The following CLN6 variants were observed in gnomAD, a reference collection of about 807,000 sequenced individuals.
CLN6 encodes the protein ceroid-lipofuscinosis neuronal protein 6.
Under a neutral mutation model 33.3 loss-of-function variants are expected in CLN6, and 22 were observed. The observed-to-expected ratio is 0.66, with a 90% CI of 0.47 to 0.94. CLN6 has a LOEUF of 0.94. CLN6 is among the 40% of genes least tolerant of loss of function. The pLI, the probability that CLN6 is intolerant of heterozygous loss-of-function variation, is 0.00. For missense variants in CLN6, 387 were observed against 417.1 expected, an observed-to-expected ratio of 0.93 and a Z score of 0.63; for synonymous variants, 201 against 174.6, an observed-to-expected ratio of 1.15 and a Z score of -1.19.
Position 68,248,652 on chromosome 15 carries a change from C to CA in CLN6, c.179+8037dup, listed in dbSNP as rs34923729. On this transcript the variant is annotated intron_variant, in intron 1 of 6. Transcript: ENST00000538696. Reference sequence around the variant, plus strand: ...TGGGCTACAGAGTGAGACTCCGTCTCAAAAAAAAAAAAAAAAAAATCTAAG... The same window carrying CA: ...TGGGCTACAGAGTGAGACTCCGTCTCAAAAAAAAAAAAAAAAAAAATCTAAG... 7.4e-3 allele frequency among the ~76,000 whole-genome samples: 767 copies of CA among 103,694 alleles called. 8 individuals carry two copies. Among genetic ancestry groups the CA allele is most frequent in the Middle Eastern group, 0.049 (10 of 204 alleles). The allele number at this position is 103,694 out of a possible 152,430, so 68.0% of individuals were successfully genotyped here.
At position 68,229,551 on chromosome 15, in the gene CLN6, C is replaced by T. The variant is rs112239768; in HGVS notation, c.34G>A (p.Ala12Thr). Reference protein sequence around the residue: ...EATRRRQHLGATGGPGAQLGA... With the variant: ...EATRRRQHLGTTGGPGAQLGA... The stretch of plus-strand genomic sequence containing the variant: ...AGCTGCGCGCCTGGGCCGCCCGTCG[C>T]TCCCAGGTGCTGCCGCCTCCGCGTC... The change falls in exon 1 of 7, where the codon GCG becomes ACG. Residue 12 changes from alanine to threonine, a missense_variant. By Grantham distance (58) the Ala-to-Thr change is moderately conservative (BLOSUM62 0). Transcript: ENST00000249806. 0.016 allele frequency: 23,279 copies of T among 1,469,292 alleles called. 204 individuals are homozygous for T. Among genetic ancestry groups the T allele is most frequent in the Non-Finnish European group, 0.019 (21,338 of 1,115,380 alleles). The allele number at this position is 1,469,292 out of a possible 1,614,324, so 91.0% of individuals were successfully genotyped here.
intron 1 of CLN6, among the ~76,000 whole-genome samples, chr15:68,250,091 A>G (rs755129489): frequency 1.3e-4 from 20 of 152,136 alleles, no homozygotes; most frequent in Non-Finnish European, 2.8e-4. Context: ...TTTCAAAATA[A>G]CTAGAAGAGA....
At chr15:68,254,836 C>T in intron 1 of CLN6, 3 of 1,126,276 alleles carry the variant, frequency 2.7e-6, no homozygotes, top group Middle Eastern at 2.5e-4. Context: ...GGGGAATAAC[C>T]CTGCAGAAAA....
upstream of CLN6, chr15:68,229,747 GGCGGGGCGGAGCGGA>G (rs1418123808): frequency 1.8e-4 from 61 of 339,340 alleles, no homozygotes; most frequent in African/African-American, 1.8e-3. Flanking sequence ...GCGGACCCGG[GGCGGGGCGGAGCGGA>G]GCGGAGCGGA....
chr15:68,257,131 G>A, upstream of CLN6: 1 of 347,386 alleles, frequency 2.9e-6, no homozygotes, highest in Non-Finnish European at 5.2e-6. Flanking sequence ...GCCAGCGAGC[G>A]CACGGCAGCG....
In CLN6 at chr15:68,251,722, AC is replaced by A. The variant is rs369954153; in HGVS notation, c.179+4967del. Among the ~76,000 whole-genome samples, 172 of 152,072 alleles carry A rather than the reference AC, an allele frequency of 1.1e-3. 1 individual carries two copies. Among genetic ancestry groups the A allele is most frequent in the African/African-American group, 4.0e-3 (164 of 41,496 alleles). ...GAATAAGGCAAAGATGTCTGCTATC[AC>A]CCCTTCTAGTCAATAAGGTGAAGGG... On this transcript the variant is annotated intron_variant, in intron 1 of 6. Coordinates refer to the CLN6 transcript ENST00000538696.
In CLN6 at chr15:68,208,414, G is replaced by GA; in HGVS notation, c.666-5dup. The GA allele has an allele frequency of 1.9e-6, 3 of 1,612,238 alleles. No homozygotes were observed. Among genetic ancestry groups the GA allele is most frequent in the Non-Finnish European group, 2.5e-6 (3 of 1,179,966 alleles). On this transcript the variant is annotated splice_region_variant and splice_polypyrimidine_tract_variant and intron_variant, in intron 6 of 6. Transcript: ENST00000249806. The surrounding 1 kb of genome is among the most constrained non-coding windows in gnomAD (Gnocchi z 5.8). ...CTGGCCCTCGGTGACCAGGTACCTG[G>GA]AAAGGCCAGGGGTGAGTGAGGCAGC...
rs2093259841 is a variant in CLN6, at chr15:68,228,990, T to C, written c.83+512A>G. On this transcript the variant is annotated intron_variant, in intron 1 of 6. Coordinates refer to ENST00000249806, the MANE Select transcript of CLN6 (RefSeq NM_017882.3). This position sits in a 1 kb window ranked among gnomAD's most constrained non-coding sequence, Gnocchi z 4.4. ...CCGCCCTTCCCCGCTGTCTCTTCCA[T>C]TACATTCGCACATTCTTGGGTGCCC... 6.6e-6 allele frequency among the ~76,000 whole-genome samples: 1 copy of C among 152,158 alleles called. No individual in the cohort carries two copies. The highest frequency in any genetic ancestry group is 1.5e-5 in the Non-Finnish European group (1 of 68,020).
chr15:68,232,160 A>ATAT (rs2093269385), upstream of CLN6, among the ~76,000 whole-genome samples: 1 of 142,428 alleles, frequency 7.0e-6, no homozygotes, highest in Admixed American at 7.0e-5. This position sits in a 1 kb window ranked among gnomAD's most constrained non-coding sequence, Gnocchi z 4.7. Flanking sequence ...TGTATCCGAT[A>ATAT]TTTTTTTTTT....
intron 3 of CLN6, chr15:68,212,213 G>A (rs2093208213): frequency 3.4e-6 from 1 of 297,822 alleles, no homozygotes; most frequent in Non-Finnish European, 6.4e-6. Context: ...CACTGTCCCT[G>A]GCTGTGTCCC....
chr15:68,211,678 C>A lies in CLN6; in HGVS notation c.483G>T (p.Thr161=), dbSNP rs2141139146. The A allele has an allele frequency of 1.2e-6, 2 of 1,613,480 alleles. No individual in the cohort carries two copies. The highest frequency in any genetic ancestry group is 1.7e-6 in the Non-Finnish European group (2 of 1,179,996). Residue 161 remains threonine (T), a synonymous_variant, in exon 4 of 7, where the codon ACG becomes ACT. Coordinates refer to ENST00000249806, the MANE Select transcript of CLN6 (RefSeq NM_017882.3). The surrounding 1 kb of genome is among the most constrained non-coding windows in gnomAD (Gnocchi z 5.9). ...AGGGAGCAGGAGGTGGCCTCACCAG[C>A]GTCTCCGGCTTGAGATTCTTGATGA... ...NPIIKNLKPE[T]LIDSFELLYY...
chr15:68,218,471 C>T, intron 2 of CLN6, 65 bp downstream of exon 2: 1 of 1,209,998 alleles, frequency 8.3e-7, no homozygotes, highest in Non-Finnish European at 1.2e-6. Flanking sequence ...GGTCACTCGG[C>T]AAATTCAAGC....
In CLN6 at chr15:68,208,908, C is replaced by T. The variant is rs1420283119; in HGVS notation, c.666-498G>A. Among the ~76,000 whole-genome samples, 1 of 152,148 alleles carries T rather than the reference C, an allele frequency of 6.6e-6. No homozygotes were observed. Among genetic ancestry groups the T allele is most frequent in the Non-Finnish European group, 1.5e-5 (1 of 68,026 alleles). ...CATCTCAGCCACATAGGGGACAGGC[C>T]GGGGAGAGGATCTAGAGCTGGCCCA... On this transcript the variant is annotated intron_variant, in intron 6 of 6. Coordinates refer to ENST00000249806, the MANE Select transcript of CLN6 (RefSeq NM_017882.3). The surrounding 1 kb of genome is among the most constrained non-coding windows in gnomAD (Gnocchi z 5.8).
At chr15:68,230,749 T>C (rs1029156257), upstream of CLN6, among the ~76,000 whole-genome samples, 2 of 152,150 alleles carry the variant, frequency 1.3e-5, no homozygotes, top group Non-Finnish European at 2.9e-5. The surrounding 1 kb of genome is among the most constrained non-coding windows in gnomAD (Gnocchi z 4.0). Context: ...TCTCGAGACC[T>C]GAGGTTTCCC....
chr15:68,238,529 T>G (rs1892249799), intron 1 of CLN6, among the ~76,000 whole-genome samples: 1 of 152,076 alleles, frequency 6.6e-6, no homozygotes, highest in Non-Finnish European at 1.5e-5. Context: ...AAACAAAAAC[T>G]ATATGGTGGC....
upstream of CLN6, among the ~76,000 whole-genome samples, chr15:68,233,167 T>G (rs1892181777): frequency 6.6e-6 from 1 of 152,136 alleles, no homozygotes. The surrounding 1 kb of genome is among the most constrained non-coding windows in gnomAD (Gnocchi z 4.3). Flanking sequence ...CACTCCCCCT[T>G]GTCCTCACTT....
upstream of CLN6, among the ~76,000 whole-genome samples, chr15:68,234,453 G>A (rs544461137): frequency 1.1e-4 from 17 of 152,238 alleles, no homozygotes; most frequent in South Asian, 2.5e-3. This position sits in a 1 kb window ranked among gnomAD's most constrained non-coding sequence, Gnocchi z 4.1. Flanking sequence ...TATAGTTCAC[G>A]GCCCTGAGTT....
At chr15:68,230,802 ACT>A (rs2141157408), upstream of CLN6, among the ~76,000 whole-genome samples, 1 of 151,964 alleles carries the variant, frequency 6.6e-6, no homozygotes, top group South Asian at 2.1e-4. This position sits in a 1 kb window ranked among gnomAD's most constrained non-coding sequence, Gnocchi z 4.0. Context: ...AATGTCACAA[ACT>A]CTCTCCTCCC....
intron 1 of CLN6, among the ~76,000 whole-genome samples, chr15:68,239,326 A>T (rs2141161515): frequency 6.6e-6 from 1 of 152,154 alleles, no homozygotes; most frequent in African/African-American, 2.4e-5. Context: ...AAAAAAAAAT[A>T]GACATACCTA....
Sources: allele counts gnomAD v4.1 joint callset (sites outside exome capture counted in the v4.1 genomes callset), GRCh38; gene constraint gnomAD v4.1.1; non-coding constraint Gnocchi (gnomAD v3.1); transcripts MANE v1.5; gene names NCBI Gene and HGNC (gene_info 2026-07-23, HGNC 2026-07-21).